GPHN: variants seen among roughly 807,000 people sequenced by gnomAD.
The protein encoded by GPHN is gephyrin.
GPHN carries 17 observed loss-of-function variants against 95.5 expected under a neutral mutation model. The observed-to-expected ratio is 0.18, with a 90% CI of 0.12 to 0.27. The LOEUF (loss-of-function observed/expected upper bound fraction) is 0.27, where lower values mean the gene tolerates loss of function less well. GPHN is among the 10% of genes least tolerant of loss of function. The pLI is 1.00. For synonymous variants in GPHN, 320 were observed against 322.5 expected (o/e 0.99, Z 0.08); for missense variants, 660 against 978.1 (o/e 0.67, Z 4.34).
the GPHN span, among the ~76,000 whole-genome samples, chr14:67,591,040 T>C: frequency 6.6e-6 from 1 of 152,128 alleles, no homozygotes; most frequent in Non-Finnish European, 1.5e-5. Context: ...TGTGAAAGTA[T>C]ATTTAATAAA....
intron 8 of GPHN, among the ~76,000 whole-genome samples, chr14:66,941,502 A>G (rs2067424914): frequency 6.6e-6 from 1 of 152,110 alleles, no homozygotes; most frequent in Non-Finnish European, 1.5e-5. Context: ...GTCCCAGGAT[A>G]AACTTGGAGA....
chr14:67,428,884 T>C, the GPHN span, among the ~76,000 whole-genome samples: 1 of 152,194 alleles, frequency 6.6e-6, no homozygotes, highest in Non-Finnish European at 1.5e-5. Flanking sequence ...AGGAGCCAGG[T>C]GAACTTTGTG....
intron 1 of GPHN, among the ~76,000 whole-genome samples, chr14:66,646,738 TG>T (rs577547958): frequency 3.0e-4 from 45 of 151,990 alleles, no homozygotes; most frequent in African/African-American, 9.6e-4. Context: ...GAGTAGGAAA[TG>T]GGGAGCTGTT....
intron 22 of GPHN, 99 bp from the exon 23 acceptor site, chr14:67,180,705 C>G (rs969066275): frequency 1.7e-6 from 2 of 1,164,434 alleles, no homozygotes; most frequent in Non-Finnish European, 2.5e-6. Flanking sequence ...CTCTTGAAGA[C>G]CCGCATTTCT....
chr14:66,976,916 G>T (rs1294666486), intron 9 of GPHN, among the ~76,000 whole-genome samples: 45 of 52,902 alleles, frequency 8.5e-4, no homozygotes, highest in African/African-American at 4.6e-3. Context: ...AGAAATATGT[G>T]GGGGGGGGGG....
At chr14:66,770,988 G>A (rs1202606563) in intron 2 of GPHN, among the ~76,000 whole-genome samples, 1 of 152,022 alleles carries the variant, frequency 6.6e-6, no homozygotes, top group African/African-American at 2.4e-5. Flanking sequence ...AAGGACTGCT[G>A]GAAAGATTCA....
At chr14:66,714,889 T>G (rs2070019807) in intron 2 of GPHN, among the ~76,000 whole-genome samples, 1 of 152,168 alleles carries the variant, frequency 6.6e-6, no homozygotes, top group South Asian at 2.1e-4. Flanking sequence ...TAGTATTTCG[T>G]TAGGGATTTT....
chr14:66,987,593 G>C (rs1294775606), intron 9 of GPHN, among the ~76,000 whole-genome samples: 1 of 151,996 alleles, frequency 6.6e-6, no homozygotes, highest in Admixed American at 6.6e-5. Flanking sequence ...GGGAAAGAAA[G>C]TCAAATTTCA....
chr14:66,931,845 T>A (rs1299430199), intron 8 of GPHN, among the ~76,000 whole-genome samples: 1 of 152,238 alleles, frequency 6.6e-6, no homozygotes, highest in Non-Finnish European at 1.5e-5. Context: ...ATATCTCTGT[T>A]ACTACAGACT....
chr14:67,303,837 G>C, the GPHN span, among the ~76,000 whole-genome samples: 1 of 151,368 alleles, frequency 6.6e-6, no homozygotes, highest in Admixed American at 6.6e-5. Context: ...GTGTGATCTT[G>C]GCTCACTGCA....
the GPHN span, chr14:67,650,758 G>T: frequency 6.2e-7 from 1 of 1,614,096 alleles, no homozygotes; most frequent in Non-Finnish European, 8.5e-7. Flanking sequence ...ATCCTCAGTT[G>T]GCCACCTCAG....
At chr14:67,128,071 C>T (rs890717633) in intron 17 of GPHN, among the ~76,000 whole-genome samples, 28 of 152,144 alleles carry the variant, frequency 1.8e-4, no homozygotes, top group African/African-American at 6.5e-4. Flanking sequence ...TTTTGCTATG[C>T]TCATTCCCCT....
intron 1 of GPHN, among the ~76,000 whole-genome samples, chr14:66,528,194 A>G (rs111607494): frequency 5.3e-4 from 80 of 152,278 alleles, no homozygotes; most frequent in African/African-American, 1.6e-3. Flanking sequence ...CTTCTTTTGC[A>G]TTGATCCCTT....
intron 11 of GPHN, among the ~76,000 whole-genome samples, chr14:67,059,414 C>T (rs1759371844): frequency 2.6e-5 from 4 of 151,832 alleles, no homozygotes; most frequent in African/African-American, 9.7e-5. Flanking sequence ...TGGTTTCTCC[C>T]CAACACCAAA....
At chr14:67,647,939 G>A in the GPHN span, 1 of 1,084,380 alleles carries the variant, frequency 9.2e-7, no homozygotes, top group Non-Finnish European at 1.3e-6. Flanking sequence ...CAAAGTACTA[G>A]GACTAATAGC....
the GPHN span, chr14:67,576,096 A>C: frequency 9.5e-7 from 1 of 1,051,348 alleles, no homozygotes; most frequent in Non-Finnish European, 1.4e-6. This position sits in a 1 kb window ranked among gnomAD's most constrained non-coding sequence, Gnocchi z 4.0. Context: ...CCAAAATTCA[A>C]ATTTATTTCC....
chr14:67,217,156 ACT>A, the GPHN span, among the ~76,000 whole-genome samples: 17 of 146,814 alleles, frequency 1.2e-4, no homozygotes, highest in Admixed American at 1.0e-3. Flanking sequence ...CTATAGAATG[ACT>A]TTCTTCATCT....
chr14:66,720,850 G>T (rs2070674670), intron 2 of GPHN, among the ~76,000 whole-genome samples: 1 of 152,112 alleles, frequency 6.6e-6, no homozygotes, highest in Non-Finnish European at 1.5e-5. Flanking sequence ...TATTGATGGA[G>T]AGAGATGCTG....
chr14:66,759,509 G>T (rs1435885647), intron 2 of GPHN, among the ~76,000 whole-genome samples: 7 of 152,186 alleles, frequency 4.6e-5, no homozygotes, highest in Admixed American at 4.6e-4. Flanking sequence ...CATACTTACT[G>T]TTGTTGGTTT....
Sources: gnomAD v4.1 joint callset for allele counts (sites outside exome capture counted in the v4.1 genomes callset) on GRCh38, gnomAD v4.1.1 for gene constraint, Gnocchi (gnomAD v3.1) non-coding constraint, MANE v1.5 for transcripts, NCBI Gene and HGNC (gene_info 2026-07-23, HGNC 2026-07-21) for gene names.